SLCO3A1: variants seen among roughly 807,000 people sequenced by gnomAD.
SLCO3A1 encodes PGE1 transporter.
In SLCO3A1, 27 loss-of-function variants were observed where a neutral mutation model predicts 63.1. The ratio of observed to expected loss-of-function variants is 0.43; its 90% CI spans 0.32 to 0.59. The LOEUF is 0.59. SLCO3A1 is among the 20% of genes least tolerant of loss of function. The pLI, the probability that SLCO3A1 is intolerant of heterozygous loss-of-function variation, is 0.09. For missense variants in SLCO3A1, 773 were observed against 945.8 expected, an observed-to-expected ratio of 0.82 and a Z score of 2.40; for synonymous variants, 473 against 409.9, an observed-to-expected ratio of 1.15 and a Z score of -1.86.
intron 2 of SLCO3A1, among the ~76,000 whole-genome samples, chr15:91,918,901 G>A (rs1898749610): frequency 6.6e-6 from 1 of 152,232 alleles, no homozygotes; most frequent in African/African-American, 2.4e-5. Flanking sequence ...TCCAGCTCCT[G>A]CAGAGTTGGT....
rs968432344 is a variant in SLCO3A1 at position 91,942,536 on chromosome 15, T to C, written c.646+26078T>C. On this transcript the variant is annotated intron_variant, in intron 2 of 9. Coordinates refer to ENST00000318445, the MANE Select transcript of SLCO3A1 (RefSeq NM_013272.4). The surrounding 1 kb of genome is among the most constrained non-coding windows in gnomAD (Gnocchi z 4.1). Reference sequence around the variant, plus strand: ...TTGACGATGCCCAGGCTCACTGGTTTTCAAACTTTGTTTTGCAACAGAACT... The same window carrying C: ...TTGACGATGCCCAGGCTCACTGGTTCTCAAACTTTGTTTTGCAACAGAACT... Among the ~76,000 whole-genome samples the C allele has an allele frequency of 5.3e-5, 8 of 152,200 alleles. No homozygotes were observed. The highest frequency in any genetic ancestry group is 1.5e-5 in the Non-Finnish European group (1 of 68,040).
At chr15:92,118,030 A>G (rs895169669) in intron 4 of SLCO3A1, among the ~76,000 whole-genome samples, 3 of 152,260 alleles carry the variant, frequency 2.0e-5, no homozygotes, top group Non-Finnish European at 2.9e-5. Flanking sequence ...ATTTCTAAAA[A>G]TTCAGATGAT....
intron 2 of SLCO3A1, among the ~76,000 whole-genome samples, chr15:91,959,366 C>T (rs56085012): frequency 0.073 from 11,076 of 152,090 alleles, 481 homozygotes; most frequent in Non-Finnish European, 0.091. Flanking sequence ...AATCTCAGAA[C>T]TGACCACTAA....
rs60840345 is a variant in SLCO3A1 at position 91,894,372 on chromosome 15, A to C, written c.181-21621A>C. On this transcript the variant is annotated intron_variant, in intron 1 of 9. Transcript: ENST00000318445. This position sits in a 1 kb window ranked among gnomAD's most constrained non-coding sequence, Gnocchi z 4.8. ...GTGACTTTGGTACTCAAAATATCTA[A>C]TTGCCATGTAGTGTGCATGGACAAT... Among the ~76,000 whole-genome samples, 4,841 of 152,152 alleles carry C rather than the reference A, an allele frequency of 0.032. 262 individuals are homozygous for C. Among genetic ancestry groups the C allele is most frequent in the African/African-American group, 0.11 (4,616 of 41,478 alleles).
intron 2 of SLCO3A1, among the ~76,000 whole-genome samples, chr15:92,010,024 C>A (rs10468145): frequency 0.44 from 67,251 of 152,064 alleles, 15,518 homozygotes; most frequent in African/African-American, 0.57. Flanking sequence ...GCAATTTCAC[C>A]GCACTCTTGA....
intron 2 of SLCO3A1, among the ~76,000 whole-genome samples, chr15:91,995,787 A>T (rs1359770319): frequency 6.6e-6 from 1 of 152,108 alleles, no homozygotes; most frequent in East Asian, 1.9e-4. Flanking sequence ...ATGGAAAAAA[A>T]AAAGTTCATA....
At chr15:91,939,706 C>T (rs932583814) in intron 2 of SLCO3A1, among the ~76,000 whole-genome samples, 2 of 152,184 alleles carry the variant, frequency 1.3e-5, no homozygotes, top group South Asian at 2.1e-4. Flanking sequence ...ATAGCTTGGA[C>T]TCTTTCCCGT....
At chr15:92,004,554 T>C (rs957380705) in intron 2 of SLCO3A1, among the ~76,000 whole-genome samples, 6 of 152,202 alleles carry the variant, frequency 3.9e-5, no homozygotes, top group Non-Finnish European at 7.4e-5. Flanking sequence ...TTATTGGCCA[T>C]TTTATTGACA....
chr15:92,025,145 C>A (rs539581835), intron 2 of SLCO3A1, among the ~76,000 whole-genome samples: 4 of 147,382 alleles, frequency 2.7e-5, no homozygotes, highest in Non-Finnish European at 6.0e-5. Context: ...GTTTAGTAGA[C>A]GTTATTTTTC....
At chr15:91,878,779 T>C (rs1477032511) in intron 1 of SLCO3A1, among the ~76,000 whole-genome samples, 1 of 152,202 alleles carries the variant, frequency 6.6e-6, no homozygotes, top group African/African-American at 2.4e-5. Flanking sequence ...TTATAGTAAC[T>C]GAAAAAGTAC....
Position 92,165,472 on chromosome 15 carries a change from C to T in SLCO3A1, c.*2337C>T. The T allele has an allele frequency of 1.0e-6, 1 of 983,610 alleles. No individual in the cohort carries two copies. The highest frequency in any genetic ancestry group is 1.2e-6 in the Non-Finnish European group (1 of 828,516). 60.9% of individuals were successfully genotyped at this position (983,610 alleles called of 1,614,324 possible). ...GTACACACACACTGAGGCCCTTTGA[C>T]CTAGTGTTTTATGGAACTATTTGCT... On this transcript the variant is annotated 3_prime_UTR_variant, in exon 10 of 10. Transcript: ENST00000318445.
intron 2 of SLCO3A1, among the ~76,000 whole-genome samples, chr15:92,039,509 C>T (rs892971908): frequency 1.1e-4 from 17 of 152,226 alleles, no homozygotes; most frequent in African/African-American, 3.1e-4. Context: ...CAAAACAAAA[C>T]GACAATGAGA....
intron 1 of SLCO3A1, among the ~76,000 whole-genome samples, chr15:91,896,147 A>C (rs1820409383): frequency 1.3e-5 from 2 of 152,188 alleles, no homozygotes; most frequent in Non-Finnish European, 2.9e-5. Flanking sequence ...CCTTAATGAA[A>C]TATCTGCAGT....
intron 2 of SLCO3A1, among the ~76,000 whole-genome samples, chr15:92,064,583 A>G (rs1290841824): frequency 2.0e-5 from 3 of 152,234 alleles, no homozygotes; most frequent in Admixed American, 6.5e-5. Flanking sequence ...CAAGTCTTAC[A>G]TTCAAACACT....
rs1348060223 is a variant in SLCO3A1 at position 91,968,690 on chromosome 15, C to T, written c.646+52232C>T. On this transcript the variant is annotated intron_variant, in intron 2 of 9. Transcript: ENST00000318445. The surrounding 1 kb of genome is among the most constrained non-coding windows in gnomAD (Gnocchi z 4.2). Reference sequence around the variant, plus strand: ...TTCAGACAGAGAAAGGGTGCACACGCAGACCCGCAAGCACAGCCTTCGCAC... The same window carrying T: ...TTCAGACAGAGAAAGGGTGCACACGTAGACCCGCAAGCACAGCCTTCGCAC... 6.6e-6 allele frequency among the ~76,000 whole-genome samples: 1 copy of T among 152,240 alleles called. No individual in the cohort carries two copies. Among genetic ancestry groups the T allele is most frequent in the Non-Finnish European group, 1.5e-5 (1 of 68,044 alleles).
chr15:92,150,871 A>G (rs2048295992), intron 8 of SLCO3A1, 79 bp from the exon 9 acceptor site: 4 of 969,822 alleles, frequency 4.1e-6, no homozygotes, highest in Non-Finnish European at 6.3e-6. Flanking sequence ...GGACAGCAGC[A>G]AATGACTCTG....
intron 2 of SLCO3A1, among the ~76,000 whole-genome samples, chr15:92,073,474 A>G (rs1011887280): frequency 6.6e-6 from 1 of 152,184 alleles, no homozygotes; most frequent in African/African-American, 2.4e-5. Context: ...TCAGGTTTTC[A>G]TCTTTTCCTT....
chr15:92,035,977 T>A (rs2046720689), intron 2 of SLCO3A1, among the ~76,000 whole-genome samples: 1 of 147,158 alleles, frequency 6.8e-6, no homozygotes, highest in Non-Finnish European at 1.5e-5. Context: ...GTCAGCCAGA[T>A]GTGCCCACGA....
Position 91,880,403 on chromosome 15 carries a change from C to CTG in SLCO3A1, c.180+26316_180+26317insGT, listed in dbSNP as rs1324272484. Among the ~76,000 whole-genome samples the CTG allele has an allele frequency of 2.1e-5, 3 of 140,664 alleles. No individual in the cohort carries two copies. In the South Asian group the frequency reaches 7.3e-4, roughly 34 times the overall value. 92.3% of individuals were successfully genotyped at this position (140,664 alleles called of 152,430 possible). On this transcript the variant is annotated intron_variant, in intron 1 of 9. Transcript: ENST00000318445. ...TGCTTCTCTCTCTCTCTCTCTCTCT[C>CTG]TCTCTCTGTGTGTGTGTGTGTGTAG...
Sources: allele counts gnomAD v4.1 joint callset (sites outside exome capture counted in the v4.1 genomes callset), GRCh38; gene constraint gnomAD v4.1.1; non-coding constraint Gnocchi (gnomAD v3.1); transcripts MANE v1.5; gene names NCBI Gene and HGNC (gene_info 2026-07-23, HGNC 2026-07-21).